CLDN14: variants seen among roughly 807,000 people sequenced by gnomAD.
CLDN14 encodes claudin 14.
CLDN14 carries 2 observed loss-of-function variants against 2.1 expected under a neutral mutation model. That is an observed-to-expected ratio of 0.96 (90% CI 0.39 to 3.01). The LOEUF (loss-of-function observed/expected upper bound fraction) is 3.01, where lower values mean the gene tolerates loss of function less well. Ranked by LOEUF, CLDN14 falls within the 30% of genes most tolerant of loss-of-function variation. The probability of loss-of-function intolerance (pLI) is 0.09; values close to 1 mark genes in which losing one functional copy is unlikely to be tolerated. For synonymous variants in CLDN14, 136 were observed against 154.4 expected (o/e 0.88, Z 0.88); for missense variants, 298 against 328.0 (o/e 0.91, Z 0.71).
upstream of CLDN14, chr21:36,480,602 C>T (rs974590071): frequency 2.6e-5 from 4 of 152,106 alleles, no homozygotes; most frequent in African/African-American, 7.2e-5. Context: ...AAAGCCAGCA[C>T]CCTGAGTGGC....
At chr21:36,533,219 T>C (rs887310125) in intron 1 of CLDN14, among the ~76,000 whole-genome samples, 3 of 152,186 alleles carry the variant, frequency 2.0e-5, no homozygotes, top group East Asian at 3.9e-4. Context: ...GAAGAGGACC[T>C]GGGAATGCCA....
At chr21:36,490,988 A>C (rs555892713) in intron 2 of CLDN14, among the ~76,000 whole-genome samples, 85 of 132,756 alleles carry the variant, frequency 6.4e-4, no homozygotes, top group African/African-American at 1.9e-3. Flanking sequence ...ACACACACAC[A>C]CCCCTGGACA....
At chr21:36,545,116 C>G (rs1168932158) in intron 1 of CLDN14, among the ~76,000 whole-genome samples, 1 of 152,212 alleles carries the variant, frequency 6.6e-6, no homozygotes, top group African/African-American at 2.4e-5. Flanking sequence ...AGGCAGGGCT[C>G]TCTTGCCTTT....
chr21:36,485,969 CT>C, intron 2 of CLDN14: 1 of 1,409,682 alleles, frequency 7.1e-7, no homozygotes, highest in Non-Finnish European at 9.9e-7. Flanking sequence ...CTCAGCTACC[CT>C]TTCCCTCCAG....
chr21:36,486,951 C>A, intron 2 of CLDN14: 1 of 509,576 alleles, frequency 2.0e-6, no homozygotes, highest in Non-Finnish European at 3.7e-6. Context: ...TGATGAGGGC[C>A]ATGTTGTTCT....
chr21:36,461,272 C>T lies in CLDN14; in HGVS notation c.424G>A (p.Asp142Asn), dbSNP rs146755542. ...CMVAVSWTTN[D>N]VVQNFYNPLL... ...GGGTTGTAGAAGTTCTGCACCACGT[C>T]GTTGGTGGTCCAGGAGACGGCCACC... The change falls in exon 2 of 2, where the codon GAC becomes AAC. Residue 142 changes from aspartate (D) to asparagine (N), a missense_variant. Coordinates refer to ENST00000399135, the MANE Select transcript of CLDN14 (RefSeq NM_001146079.2). 66 of 1,613,846 alleles carry T rather than the reference C, an allele frequency of 4.1e-5. No individual in the cohort carries two copies. The highest frequency in any genetic ancestry group is 2.9e-4 in the East Asian group (13 of 44,872).
chr21:36,526,257 T>C (rs994710209), intron 1 of CLDN14: 4 of 152,166 alleles, frequency 2.6e-5, no homozygotes, highest in African/African-American at 7.2e-5. Context: ...CCATAGACAA[T>C]ACATAAGTGA....
At chr21:36,495,523 G>A (rs1466416392) in intron 2 of CLDN14, among the ~76,000 whole-genome samples, 1 of 152,222 alleles carries the variant, frequency 6.6e-6, no homozygotes, top group African/African-American at 2.4e-5. Context: ...GAGTTTTGAA[G>A]TCTCAGGAAA....
At chr21:36,511,909 A>G (rs1422518781) in intron 1 of CLDN14, among the ~76,000 whole-genome samples, 2 of 152,094 alleles carry the variant, frequency 1.3e-5, no homozygotes, top group African/African-American at 4.8e-5. Flanking sequence ...TTTATTTGTA[A>G]TCTATTTTAT....
rs1046931315 is a variant in CLDN14, at chr21:36,499,400, A to G, written c.-82+10963T>C. The stretch of plus-strand genomic sequence containing the variant: ...AAGTTTTTACTTGAAACCTGCATAC[A>G]CACAGCCTTTTTGTTTTATGGGCTG... On this transcript the variant is annotated intron_variant, in intron 2 of 2. Transcript: ENST00000342108. This position sits in a 1 kb window ranked among gnomAD's most constrained non-coding sequence, Gnocchi z 4.7. 6.6e-6 allele frequency among the ~76,000 whole-genome samples: 1 copy of G among 152,132 alleles called. No individual in the cohort carries two copies. The highest frequency in any genetic ancestry group is 1.5e-5 in the Non-Finnish European group (1 of 68,026).
At chr21:36,530,280 G>A (rs1467820322) in intron 1 of CLDN14, among the ~76,000 whole-genome samples, 1 of 151,796 alleles carries the variant, frequency 6.6e-6, no homozygotes, top group African/African-American at 2.4e-5. Flanking sequence ...AATGAAAAGA[G>A]TGTGTCGGGG....
intron 1 of CLDN14, among the ~76,000 whole-genome samples, chr21:36,521,148 A>ACAATATATCTG (rs555397069): frequency 5.6e-4 from 85 of 152,334 alleles, no homozygotes; most frequent in African/African-American, 2.0e-3. Flanking sequence ...GGCTCTGACC[A>ACAATATATCTG]CAATATATCT....
chr21:36,485,381 G>C (rs930670337), intron 2 of CLDN14, among the ~76,000 whole-genome samples: 1 of 151,992 alleles, frequency 6.6e-6, no homozygotes, highest in African/African-American at 2.4e-5. Flanking sequence ...GCTAATTTTT[G>C]TATTTTTAGT....
At chr21:36,572,943 A>G (rs536881692) in intron 1 of CLDN14, among the ~76,000 whole-genome samples, 190 of 152,320 alleles carry the variant, frequency 1.2e-3, no homozygotes, top group African/African-American at 4.3e-3. Context: ...TGATTTACCA[A>G]ATGACAATCG....
At chr21:36,522,509 T>A (rs1476507213) in intron 1 of CLDN14, among the ~76,000 whole-genome samples, 3 of 152,150 alleles carry the variant, frequency 2.0e-5, no homozygotes, top group Admixed American at 2.0e-4. Flanking sequence ...CCATCCCCAT[T>A]TGGGGCCTGT....
intron 1 of CLDN14, among the ~76,000 whole-genome samples, chr21:36,557,300 A>G (rs921569258): frequency 2.7e-5 from 4 of 150,894 alleles, no homozygotes; most frequent in African/African-American, 7.2e-5. Flanking sequence ...TTTTGGATAA[A>G]TAATATTCAC....
At chr21:36,554,876 T>C (rs2087588023) in intron 1 of CLDN14, among the ~76,000 whole-genome samples, 1 of 152,218 alleles carries the variant, frequency 6.6e-6, no homozygotes, top group Non-Finnish European at 1.5e-5. Context: ...CAAAGTCTGA[T>C]GGTCTCCCCA....
At chr21:36,522,616 G>A (rs535370495) in intron 1 of CLDN14, among the ~76,000 whole-genome samples, 1 of 152,352 alleles carries the variant, frequency 6.6e-6, no homozygotes, top group South Asian at 2.1e-4. Flanking sequence ...GCAGATGCGC[G>A]GGGGAGGTAA....
chr21:36,479,427 C>T (rs2086818094), intron 1 of CLDN14, 68 bp downstream of exon 1: 1 of 152,308 alleles, frequency 6.6e-6, no homozygotes, highest in African/African-American at 2.4e-5. Context: ...GGCCTAAGGG[C>T]TTCCAAAACA....
Sources: allele counts gnomAD v4.1 joint callset (sites outside exome capture counted in the v4.1 genomes callset), GRCh38; gene constraint gnomAD v4.1.1; non-coding constraint Gnocchi (gnomAD v3.1); transcripts MANE v1.5; gene names NCBI Gene and HGNC (gene_info 2026-07-23, HGNC 2026-07-21).